Variants in ATXN10 observed in about 807,000 individuals in gnomAD.
The protein encoded by ATXN10 is ataxin 10.
ATXN10 carries 28 observed loss-of-function variants against 52.9 expected under a neutral mutation model. The ratio of observed to expected loss-of-function variants is 0.53; its 90% CI spans 0.39 to 0.73. The LOEUF (loss-of-function observed/expected upper bound fraction) is 0.73, where lower values mean the gene tolerates loss of function less well. Among genes scored for constraint, ATXN10 ranks in the 30% least tolerant of loss-of-function variants. The pLI, the probability that ATXN10 is intolerant of heterozygous loss-of-function variation, is 0.00. For missense variants in ATXN10, 565 were observed against 577.0 expected (o/e 0.98, Z 0.21); for synonymous variants, 226 against 221.5 (o/e 1.02, Z -0.18).
chr22:45,746,676 C>G (rs1040007716), intron 9 of ATXN10, among the ~76,000 whole-genome samples: 1 of 149,180 alleles, frequency 6.7e-6, no homozygotes, highest in African/African-American at 2.5e-5. Context: ...TTCATACTTT[C>G]CCTGAGTGAC....
chr22:45,806,906 C>T, intron 9 of ATXN10, 53 bp from the exon 10 acceptor site: 5 of 1,359,486 alleles, frequency 3.7e-6, no homozygotes, highest in Non-Finnish European at 3.2e-6. Context: ...TCTGTAATCT[C>T]TGACTATAGC....
intron 9 of ATXN10, among the ~76,000 whole-genome samples, chr22:45,741,670 T>C (rs1925541017): frequency 6.6e-6 from 1 of 151,762 alleles, no homozygotes; most frequent in Admixed American, 6.6e-5. Context: ...CATAGTATTA[T>C]GAGAAAAAGT....
intron 7 of ATXN10, among the ~76,000 whole-genome samples, chr22:45,736,971 C>T (rs974725387): frequency 6.6e-6 from 1 of 152,196 alleles, no homozygotes; most frequent in Admixed American, 6.5e-5. Context: ...TTCTTAGGTT[C>T]TGTGAGGTAC....
At chr22:45,687,197 T>C (rs1018845817) in intron 1 of ATXN10, among the ~76,000 whole-genome samples, 2 of 152,230 alleles carry the variant, frequency 1.3e-5, no homozygotes, top group Non-Finnish European at 2.9e-5. Flanking sequence ...CCATGTAGCA[T>C]TGGGAATTAT....
At chr22:45,702,655 A>G in intron 4 of ATXN10, 34 bp from the exon 5 acceptor site, 18 of 1,611,938 alleles carry the variant, frequency 1.1e-5, no homozygotes, top group Non-Finnish European at 1.5e-5. Context: ...ATGTTACTAA[A>G]TTGGGCTAAC....
intron 1 of ATXN10, chr22:45,675,245 C>T (rs997072103): frequency 6.6e-6 from 1 of 152,194 alleles, no homozygotes; most frequent in African/African-American, 2.4e-5. Flanking sequence ...AGAAGGGGAT[C>T]TCAGGATCTC....
At position 45,843,252 on chromosome 22, in the gene ATXN10, C is replaced by G. The variant is rs536938339; in HGVS notation, c.1425+74C>G. On this transcript the variant is annotated intron_variant, in intron 11 of 11. Transcript: ENST00000252934. This position sits in a 1 kb window ranked among gnomAD's most constrained non-coding sequence, Gnocchi z 4.5. ...GTTTCCACTTCCCCATTGCTTCAAG[C>G]ACGAGGCTCTTTGTAAGAATATGGA... 1 of 1,482,868 alleles carries G rather than the reference C, an allele frequency of 6.7e-7. No homozygotes were observed. Among genetic ancestry groups the G allele is most frequent in the African/African-American group, 1.4e-5 (1 of 72,292 alleles). The allele number at this position is 1,482,868 out of a possible 1,614,324, so 91.9% of individuals were successfully genotyped here.
intron 2 of ATXN10, among the ~76,000 whole-genome samples, chr22:45,692,108 C>G (rs115057793): frequency 6.6e-6 from 1 of 152,304 alleles, no homozygotes; most frequent in African/African-American, 2.4e-5. Context: ...ATTGTGTGCT[C>G]AGTAAACATT....
chr22:45,708,796 C>T lies in ATXN10; in HGVS notation c.647+5949C>T, dbSNP rs904576721. Among the ~76,000 whole-genome samples the T allele has an allele frequency of 7.9e-5, 12 of 152,112 alleles. No homozygotes were observed. The highest frequency in any genetic ancestry group is 1.9e-4 in the East Asian group (1 of 5,176). The stretch of plus-strand genomic sequence containing the variant: ...CCAGGACTACAGGCGTGCGCCACCA[C>T]GCCTGGCTAATTTTTTGTATTTTTG... On this transcript the variant is annotated intron_variant, in intron 5 of 11. Coordinates refer to ENST00000252934, the MANE Select transcript of ATXN10 (RefSeq NM_013236.4). The surrounding 1 kb of genome is among the most constrained non-coding windows in gnomAD (Gnocchi z 5.3).
chr22:45,805,068 C>T lies in ATXN10; in HGVS notation c.1174-1891C>T, dbSNP rs188407126. Among the ~76,000 whole-genome samples the T allele has an allele frequency of 2.6e-3, 394 of 152,296 alleles. No homozygotes were observed. Among genetic ancestry groups the T allele is most frequent in the Non-Finnish European group, 3.4e-3 (232 of 68,032 alleles). ...GTACCGTAGTTTATGTAAGCAACCC[C>T]CATTCGTGGAGACTTGAGTTGTTTC... On this transcript the variant is annotated intron_variant, in intron 9 of 11. Transcript: ENST00000252934. This position sits in a 1 kb window ranked among gnomAD's most constrained non-coding sequence, Gnocchi z 4.4.
chr22:45,806,081 G>A (rs1178198749), intron 9 of ATXN10, among the ~76,000 whole-genome samples: 1 of 152,194 alleles, frequency 6.6e-6, no homozygotes, highest in African/African-American at 2.4e-5. Flanking sequence ...GTGTGCTTTT[G>A]ATCTGTAATT....
intron 10 of ATXN10, among the ~76,000 whole-genome samples, chr22:45,822,380 G>A (rs1928677177): frequency 6.6e-6 from 1 of 152,108 alleles, no homozygotes; most frequent in Non-Finnish European, 1.5e-5. Context: ...AAACTCTTCA[G>A]AGTAGTGGTA....
intron 10 of ATXN10, among the ~76,000 whole-genome samples, chr22:45,809,640 T>C (rs543470814): frequency 6.6e-6 from 1 of 152,320 alleles, no homozygotes; most frequent in South Asian, 2.1e-4. Context: ...CCGTTCCCTG[T>C]TGCCCACGCT....
rs2146895135 is a variant in ATXN10 at position 45,816,645 on chromosome 22, T to C, written c.1237+9623T>C. 6.6e-6 allele frequency among the ~76,000 whole-genome samples: 1 copy of C among 152,322 alleles called. No homozygotes were observed. Among genetic ancestry groups the C allele is most frequent in the East Asian group, 1.9e-4 (1 of 5,188 alleles). ...TGAACCCAGGGGACTGTTTCCAAAA[T>C]GTGCTCCAAAGCATATTTTGTCTAT... On this transcript the variant is annotated intron_variant, in intron 10 of 11. Transcript: ENST00000252934. The surrounding 1 kb of genome is among the most constrained non-coding windows in gnomAD (Gnocchi z 5.8).
chr22:45,806,076 C>T (rs1045667225), intron 9 of ATXN10, among the ~76,000 whole-genome samples: 5 of 152,256 alleles, frequency 3.3e-5, no homozygotes, highest in African/African-American at 1.2e-4. Context: ...GGGTAGTGTG[C>T]TTTTGATCTG....
rs117137922 is a variant in ATXN10 at position 45,788,726 on chromosome 22, A to C, written c.1174-18233A>C. Among the ~76,000 whole-genome samples, 3 of 151,944 alleles carry C rather than the reference A, an allele frequency of 2.0e-5. No homozygotes were observed. In the East Asian group the frequency reaches 5.8e-4, roughly 29 times the overall value. The stretch of plus-strand genomic sequence containing the variant: ...GGCTGCAGTGCAGTGGCACAGTCAA[A>C]GCTCCCTGGAACTTTGAACTCCTGA... On this transcript the variant is annotated intron_variant, in intron 9 of 11. Transcript: ENST00000252934.
At chr22:45,799,032 T>C (rs1256610955) in intron 9 of ATXN10, among the ~76,000 whole-genome samples, 1 of 152,012 alleles carries the variant, frequency 6.6e-6, no homozygotes, top group Non-Finnish European at 1.5e-5. Context: ...TTGACCTCTA[T>C]AGAGTGAATG....
rs560884647 is a variant in ATXN10 at position 45,732,053 on chromosome 22, TGTA to T, written c.894+2466_894+2468del. 3.3e-3 allele frequency among the ~76,000 whole-genome samples: 505 copies of T among 152,336 alleles called. 1 individual carries two copies. Among genetic ancestry groups the T allele is most frequent in the African/African-American group, 0.012 (480 of 41,572 alleles). On this transcript the variant is annotated intron_variant, in intron 7 of 11. Transcript: ENST00000252934. The surrounding 1 kb of genome is among the most constrained non-coding windows in gnomAD (Gnocchi z 4.5). ...TTTAAAATATAGGTGATTTCAGTAT[TGTA>T]GTGAGAAATTCCTGGTGTAACTTTT...
Position 45,844,795 on chromosome 22 carries a change from A to G in ATXN10, c.*1124A>G, listed in dbSNP as rs1458811896. 2 of 152,246 alleles carry G rather than the reference A, an allele frequency of 1.3e-5. No individual in the cohort carries two copies. Among genetic ancestry groups the G allele is most frequent in the African/African-American group, 4.8e-5 (2 of 41,464 alleles). The allele number at this position is 152,246 out of a possible 1,614,324, so 9.4% of individuals were successfully genotyped here. A position where few individuals can be genotyped will look rare whatever the true frequency, so the allele number is the denominator to read the frequency against. On this transcript the variant is annotated 3_prime_UTR_variant, in exon 12 of 12. Coordinates refer to ENST00000252934, the MANE Select transcript of ATXN10 (RefSeq NM_013236.4). ...AATTCGTGTTGAACCTTCCAAAACA[A>G]AAATAAAGACCTGTCCAAAAGTTTT...
Sources: allele counts gnomAD v4.1 joint callset (sites outside exome capture counted in the v4.1 genomes callset), GRCh38; gene constraint gnomAD v4.1.1; non-coding constraint Gnocchi (gnomAD v3.1); transcripts MANE v1.5; gene names NCBI Gene and HGNC (gene_info 2026-07-23, HGNC 2026-07-21).